GABRA4: variants seen among roughly 807,000 people sequenced by gnomAD.
GABRA4 encodes the protein gamma-aminobutyric acid type A receptor subunit alpha4, also known as gamma-aminobutyric acid receptor subunit alpha-4.
GABRA4 carries 12 observed loss-of-function variants against 49.7 expected under a neutral mutation model. The ratio of observed to expected loss-of-function variants is 0.24; its 90% CI spans 0.15 to 0.39. GABRA4 has a LOEUF of 0.39. GABRA4 is among the 10% of genes least tolerant of loss of function. The probability of loss-of-function intolerance (pLI) is 1.00; values close to 1 mark genes in which losing one functional copy is unlikely to be tolerated. For missense variants in GABRA4, 506 were observed against 686.0 expected (o/e 0.74, Z 2.93); for synonymous variants, 288 against 240.2 (o/e 1.20, Z -1.84).
chr4:46,979,731 G>C (rs941957918), intron 2 of GABRA4, among the ~76,000 whole-genome samples: 1 of 151,594 alleles, frequency 6.6e-6, no homozygotes, highest in African/African-American at 2.4e-5. Flanking sequence ...CATCAGGCAA[G>C]ATTTTGATAG....
chr4:46,977,824 T>C (rs1423414846), intron 3 of GABRA4, among the ~76,000 whole-genome samples, 194 bp from the exon 4 acceptor site: 5 of 152,064 alleles, frequency 3.3e-5, no homozygotes, highest in African/African-American at 4.8e-5. Flanking sequence ...TTTATCCATC[T>C]TGATACCTTC....
At chr4:46,964,103 T>C (rs114197079) in intron 8 of GABRA4, among the ~76,000 whole-genome samples, 7,049 of 151,952 alleles carry the variant, frequency 0.046, 262 homozygotes, top group East Asian at 0.15. Flanking sequence ...GATCCAGTCA[T>C]TTGCTACAAC....
chr4:46,943,048 T>G (rs1721871376), intron 8 of GABRA4, among the ~76,000 whole-genome samples: 1 of 152,142 alleles, frequency 6.6e-6, no homozygotes, highest in African/African-American at 2.4e-5. Flanking sequence ...TTCAGATATT[T>G]ATTGAGTGCC....
intron 8 of GABRA4, among the ~76,000 whole-genome samples, chr4:46,935,670 G>C (rs1721580199): frequency 6.6e-6 from 1 of 152,046 alleles, no homozygotes; most frequent in Non-Finnish European, 1.5e-5. Flanking sequence ...GGCCTGTTTG[G>C]GGTGGGGGGC....
chr4:46,936,183 A>C (rs577633770), intron 8 of GABRA4, among the ~76,000 whole-genome samples: 1 of 152,308 alleles, frequency 6.6e-6, no homozygotes, highest in East Asian at 1.9e-4. Flanking sequence ...TCAATGTCTA[A>C]AAAAAGATGT....
intron 2 of GABRA4, among the ~76,000 whole-genome samples, chr4:46,979,784 C>G (rs1372875628): frequency 1.3e-5 from 2 of 152,130 alleles, no homozygotes; most frequent in Non-Finnish European, 2.9e-5. Context: ...AGCAAAACGA[C>G]TCTCTCATGA....
chr4:46,986,760 C>A (rs193167541), intron 2 of GABRA4, among the ~76,000 whole-genome samples: 1 of 152,012 alleles, frequency 6.6e-6, no homozygotes, highest in African/African-American at 2.4e-5. Context: ...TCATCTATGC[C>A]CCTGGTCTAC....
rs541328710 is a variant in GABRA4, at chr4:46,991,602, A to G, written c.205+1226T>C. ...AAAGTTGCTCCATGCTTCTAATATT[A>G]GATGATACTCATCACACAGCATCTG... is the stretch of plus-strand genomic sequence containing the variant. On this transcript the variant is annotated intron_variant, in intron 2 of 8. Transcript: ENST00000264318. Among the ~76,000 whole-genome samples the G allele has an allele frequency of 3.3e-5, 5 of 152,308 alleles. No individual in the cohort carries two copies. The East Asian group carries it at 5.8e-4, about 18-fold the overall frequency.
chr4:46,971,811 A>G (rs1443394893), intron 6 of GABRA4, among the ~76,000 whole-genome samples: 1 of 150,798 alleles, frequency 6.6e-6, no homozygotes, highest in Non-Finnish European at 1.5e-5. Context: ...GAATTTCTAA[A>G]TGTTCTTTAT....
At chr4:46,977,889 T>C (rs930320843) in intron 3 of GABRA4, among the ~76,000 whole-genome samples, 1 of 152,104 alleles carries the variant, frequency 6.6e-6, no homozygotes, top group African/African-American at 2.4e-5. Flanking sequence ...AATTTAATAA[T>C]AAATTTGCTA....
intron 2 of GABRA4, among the ~76,000 whole-genome samples, chr4:46,979,699 C>T (rs1723281051): frequency 6.6e-6 from 1 of 152,072 alleles, no homozygotes; most frequent in Admixed American, 6.6e-5. Context: ...TTATTTAACT[C>T]CTCAATAGTA....
intron 2 of GABRA4, among the ~76,000 whole-genome samples, chr4:46,980,373 C>CAAAA (rs35377347): frequency 2.7e-4 from 34 of 127,228 alleles, no homozygotes; most frequent in African/African-American, 5.5e-4. Context: ...CGATTTATGC[C>CAAAA]AAAAAAAAAA....
rs3792209 is a variant in GABRA4 at position 46,972,112 on chromosome 4, C to T, written c.722-877G>A. The stretch of plus-strand genomic sequence containing the variant: ...CATTTGCAGACTGGAAAATAAATGC[C>T]CTTCCAAAAATAAATTTTCCTGGAC... On this transcript the variant is annotated intron_variant, in intron 6 of 8. Transcript: ENST00000264318. Among the ~76,000 whole-genome samples the T allele has an allele frequency of 4.5e-4, 68 of 151,620 alleles. 1 individual carries two copies. In the East Asian group the frequency reaches 0.011, roughly 24 times the overall value.
At chr4:46,936,821 T>C (rs924178414) in intron 8 of GABRA4, among the ~76,000 whole-genome samples, 7 of 152,306 alleles carry the variant, frequency 4.6e-5, no homozygotes, top group Admixed American at 2.6e-4. Flanking sequence ...GTCACTTTTT[T>C]CCCTTTATCT....
Position 46,977,158 on chromosome 4 carries a change from G to T in GABRA4, c.495-15C>A. ...TTATGGTGAGTCTATGATGAAAAAT[G>T]CAATTAAATAAAATCAACCCTTTTA... On this transcript the variant is annotated splice_polypyrimidine_tract_variant and intron_variant, in intron 4 of 8. Transcript: ENST00000264318. 1 of 1,529,066 alleles carries T rather than the reference G, an allele frequency of 6.5e-7. No homozygotes were observed. Among genetic ancestry groups the T allele is most frequent in the Non-Finnish European group, 9.0e-7 (1 of 1,116,898 alleles). 94.7% of individuals were successfully genotyped at this position (1,529,066 alleles called of 1,614,324 possible).
chr4:46,965,113 A>G lies in GABRA4; in HGVS notation c.991T>C (p.Phe331Leu). The change falls in exon 8 of 9, where the codon TTT (phenylalanine) becomes CTT (leucine). Residue 331 changes from phenylalanine to leucine, a missense_variant. Phe to Leu is a conservative substitution (Grantham distance 22). This residue lies in a region of GABRA4 where 33 missense variants were observed against 102.5 expected (regional missense o/e 0.32). Transcript: ENST00000264318. ...GCAGCAAACTCGATAAGGGCCGAAAATACAAAAGCAAAGCAGACAGCTATG... is the reference window on the plus strand; with the variant it reads ...GCAGCAAACTCGATAAGGGCCGAAAGTACAAAAGCAAAGCAGACAGCTATG... ...WFIAVCFAFV[F>L]SALIEFAAVN... 1 of 1,612,216 alleles carries G rather than the reference A, an allele frequency of 6.2e-7. No homozygotes were observed. The highest frequency in any genetic ancestry group is 8.5e-7 in the Non-Finnish European group (1 of 1,178,866).
chr4:46,977,630 C>T lies in GABRA4; in HGVS notation c.274G>A (p.Glu92Lys). Residue 92 changes from glutamate (E) to lysine (K), a missense_variant and splice_region_variant, in exon 4 of 9, where the codon GAA becomes AAA. Physicochemically the swap from Glu to Lys is moderately conservative, Grantham distance 56 (BLOSUM62 1). Transcript: ENST00000264318. Reference sequence around the variant, plus strand: ...CTGAAGAACACATCCATTGTGTATTCCTAGGACAATTATTTTGGAACATAT... The same window carrying T: ...CTGAAGAACACATCCATTGTGTATTTCTAGGACAATTATTTTGGAACATAT... Reference protein sequence around the residue: ...SFGPVSDVEMEYTMDVFFRQT... With the variant: ...SFGPVSDVEMKYTMDVFFRQT... The T allele has an allele frequency of 6.3e-7, 1 of 1,593,604 alleles. No homozygotes were observed. The highest frequency in any genetic ancestry group is 8.6e-7 in the Non-Finnish European group (1 of 1,167,328).
At chr4:46,982,765 A>G (rs1200887964) in intron 2 of GABRA4, among the ~76,000 whole-genome samples, 1 of 152,012 alleles carries the variant, frequency 6.6e-6, no homozygotes, top group Non-Finnish European at 1.5e-5. Context: ...TATTCTGACA[A>G]TGGTATTGAC....
At chr4:46,963,265 C>T (rs527910146) in intron 8 of GABRA4, among the ~76,000 whole-genome samples, 10 of 151,852 alleles carry the variant, frequency 6.6e-5, no homozygotes, top group Admixed American at 1.3e-4. Context: ...ATCTGATAAT[C>T]CAATCAAAAA....
Sources: allele counts gnomAD v4.1 joint callset (sites outside exome capture counted in the v4.1 genomes callset), GRCh38; gene constraint gnomAD v4.1.1; regional missense constraint gnomAD v4.1.1; transcripts MANE v1.5; gene names NCBI Gene and HGNC (gene_info 2026-07-23, HGNC 2026-07-21).